Variants in NLGN4X observed in about 807,000 individuals in gnomAD.
NLGN4X encodes the protein neuroligin 4 X-linked, also known as neuroligin-4, X-linked.
In NLGN4X, 3 loss-of-function variants were observed where a neutral mutation model predicts 40.3. That is an observed-to-expected ratio of 0.07 (90% CI 0.03 to 0.19). NLGN4X has a LOEUF of 0.19. Among genes scored for constraint, NLGN4X ranks in the 10% least tolerant of loss-of-function variants. NLGN4X has a pLI of 1.00. For synonymous variants in NLGN4X, 270 were observed against 306.8 expected (o/e 0.88, Z 1.25); for missense variants, 382 against 708.3 (o/e 0.54, Z 5.23).
intron 2 of NLGN4X, among the ~76,000 whole-genome samples, chrX:6,079,992 C>T (rs756296337): frequency 9.0e-6 from 1 of 110,515 alleles, no homozygotes; most frequent in Non-Finnish European, 1.9e-5. Context: ...TGTTTCCTGC[C>T]ATCATCTCTA....
intron 1 of NLGN4X, among the ~76,000 whole-genome samples, chrX:6,206,675 C>G (rs1924061903): frequency 9.0e-6 from 1 of 111,681 alleles, no homozygotes; most frequent in Non-Finnish European, 1.9e-5. Flanking sequence ...CTTTTTGTAG[C>G]TGCATCATGC....
chrX:5,909,805 C>A (rs1255528418), intron 3 of NLGN4X, among the ~76,000 whole-genome samples: 7 of 111,019 alleles, frequency 6.3e-5, no homozygotes, highest in African/African-American at 2.3e-4. Flanking sequence ...TTACAGACTC[C>A]ACTAGATCCG....
At chrX:6,052,616 C>T (rs1336006686) in intron 2 of NLGN4X, among the ~76,000 whole-genome samples, 1 of 112,081 alleles carries the variant, frequency 8.9e-6, no homozygotes, top group Non-Finnish European at 1.9e-5. Flanking sequence ...AGAGCATCCC[C>T]GTCTGTTCAA....
At chrX:5,958,764 C>T (rs769499964) in intron 3 of NLGN4X, among the ~76,000 whole-genome samples, 1 of 111,721 alleles carries the variant, frequency 9.0e-6, no homozygotes, top group Admixed American at 9.6e-5. Context: ...AGCAGCATTT[C>T]CCTATGTAGA....
At chrX:6,199,449 T>C (rs1385708152) in intron 1 of NLGN4X, among the ~76,000 whole-genome samples, 1 of 111,497 alleles carries the variant, frequency 9.0e-6, no homozygotes, top group Non-Finnish European at 1.9e-5. Flanking sequence ...ACAATTTTGC[T>C]CCTCCCAAAT....
intron 2 of NLGN4X, among the ~76,000 whole-genome samples, chrX:6,121,626 A>C (rs1175803983): frequency 8.9e-6 from 1 of 112,265 alleles, no homozygotes; most frequent in Non-Finnish European, 1.9e-5. Context: ...TTCTTACGGG[A>C]AGAGTGATGC....
chrX:6,091,079 T>C (rs2038628755), intron 2 of NLGN4X, among the ~76,000 whole-genome samples: 1 of 101,456 alleles, frequency 9.9e-6, no homozygotes, highest in Admixed American at 1.1e-4. Context: ...GGAGCAACAG[T>C]GGTAGAGAGG....
At chrX:6,113,376 A>G (rs2039197387) in intron 2 of NLGN4X, among the ~76,000 whole-genome samples, 1 of 111,645 alleles carries the variant, frequency 9.0e-6, no homozygotes, top group Non-Finnish European at 1.9e-5. Flanking sequence ...TCTTTTAAAA[A>G]ACTATTATAG....
intron 3 of NLGN4X, among the ~76,000 whole-genome samples, chrX:6,003,847 A>G (rs1440829449): frequency 1.8e-5 from 2 of 111,517 alleles, no homozygotes; most frequent in Non-Finnish European, 3.8e-5. Context: ...CTGGGTCTTC[A>G]GGGGTTGCGG....
intron 3 of NLGN4X, among the ~76,000 whole-genome samples, chrX:6,027,372 A>G (rs748521251): frequency 8.9e-6 from 1 of 112,561 alleles, no homozygotes; most frequent in East Asian, 2.8e-4. Context: ...TGGCTCACAG[A>G]AAACTACAAA....
intron 3 of NLGN4X, among the ~76,000 whole-genome samples, chrX:6,008,294 T>C (rs190312909): frequency 4.5e-5 from 5 of 112,085 alleles, no homozygotes; most frequent in African/African-American, 1.6e-4. Flanking sequence ...TTTCTGTCTC[T>C]ATGAATTGAA....
At chrX:6,058,890 A>G (rs1246775362) in intron 2 of NLGN4X, among the ~76,000 whole-genome samples, 5 of 112,175 alleles carry the variant, frequency 4.5e-5, no homozygotes, top group Admixed American at 2.8e-4. Context: ...GTTTACTTTC[A>G]GTAAAATAAT....
intron 1 of NLGN4X, among the ~76,000 whole-genome samples, chrX:6,221,430 T>TATATATATATATATATA (rs1925700370): frequency 6.5e-5 from 6 of 91,956 alleles, no homozygotes; most frequent in Non-Finnish European, 1.1e-4. Flanking sequence ...TATATATATA[T>TATATATATATATATATA]TTGCTTTTAT....
intron 2 of NLGN4X, among the ~76,000 whole-genome samples, chrX:6,145,304 G>T (rs1259206133): frequency 8.9e-6 from 1 of 111,858 alleles, no homozygotes; most frequent in Non-Finnish European, 1.9e-5. Flanking sequence ...AAACTGCAGA[G>T]AACCCTCTTA....
intron 2 of NLGN4X, among the ~76,000 whole-genome samples, chrX:6,119,590 C>T (rs777966521): frequency 2.0e-3 from 222 of 110,802 alleles, no homozygotes; most frequent in Admixed American, 3.8e-3. Flanking sequence ...CAATAGGGAG[C>T]GGTGGGGAGT....
At chrX:5,942,324 T>C (rs953962449) in intron 3 of NLGN4X, among the ~76,000 whole-genome samples, 24 of 110,982 alleles carry the variant, frequency 2.2e-4, no homozygotes, top group Non-Finnish European at 4.2e-4. Context: ...GCGAGCCACA[T>C]CAGGGAGGAG....
intron 1 of NLGN4X, among the ~76,000 whole-genome samples, chrX:6,180,828 CT>C (rs1229713011): frequency 9.2e-6 from 1 of 109,156 alleles, no homozygotes; most frequent in Non-Finnish European, 1.9e-5. Context: ...TTTATGTTAA[CT>C]TTCATTTCTT....
chrX:5,970,103 A>G (rs993827313), intron 3 of NLGN4X, among the ~76,000 whole-genome samples: 4 of 110,049 alleles, frequency 3.6e-5, no homozygotes, highest in Non-Finnish European at 5.7e-5. Flanking sequence ...CAGCACACCA[A>G]AATGGCACAT....
intron 3 of NLGN4X, among the ~76,000 whole-genome samples, chrX:6,008,029 T>C (rs985185393): frequency 8.9e-6 from 1 of 112,188 alleles, no homozygotes; most frequent in Non-Finnish European, 1.9e-5. Context: ...AGGACCTTTC[T>C]ACACTTTTAA....
Sources: gnomAD v4.1 joint callset for allele counts (sites outside exome capture counted in the v4.1 genomes callset) on GRCh38, gnomAD v4.1.1 for gene constraint, MANE v1.5 for transcripts, NCBI Gene and HGNC (gene_info 2026-07-23, HGNC 2026-07-21) for gene names.